SYT14: variants seen among roughly 807,000 people sequenced by gnomAD.
SYT14 encodes synaptotagmin 14, also known as synaptotagmin-14.
A neutral mutation model predicts 74.2 loss-of-function variants in SYT14; 32 were observed. That is an observed-to-expected ratio of 0.43 (90% CI 0.33 to 0.58). The LOEUF (loss-of-function observed/expected upper bound fraction) is 0.58. SYT14 is among the 20% of genes least tolerant of loss of function. SYT14 has a pLI of 0.05. For synonymous variants in SYT14, 298 were observed against 337.7 expected (o/e 0.88, Z 1.29); for missense variants, 791 against 981.8 (o/e 0.81, Z 2.60).
intron 7 of SYT14, among the ~76,000 whole-genome samples, chr1:210,137,288 A>G (rs75543958): frequency 0.12 from 18,295 of 152,170 alleles, 1,452 homozygotes; most frequent in South Asian, 0.21. Flanking sequence ...CTTGATGGGC[A>G]GTTACCATAC....
intron 5 of SYT14, among the ~76,000 whole-genome samples, chr1:210,075,368 G>T (rs2081478406): frequency 7.1e-6 from 1 of 141,670 alleles, no homozygotes; most frequent in Non-Finnish European, 1.5e-5. Flanking sequence ...TTGAGACAGA[G>T]TCTCCCTCTG....
intron 2 of SYT14, chr1:209,952,968 G>C (rs1426224791): frequency 1.5e-6 from 2 of 1,303,402 alleles, no homozygotes; most frequent in Non-Finnish European, 2.1e-6. Context: ...GTTTTGATGG[G>C]CTAATAAAGC....
intron 2 of SYT14, 30 bp from the exon 3 acceptor site, chr1:210,013,603 G>C (rs751339346): frequency 4.4e-6 from 7 of 1,601,818 alleles, no homozygotes; most frequent in Non-Finnish European, 6.0e-6. Context: ...AAAAATAAAT[G>C]CTTACAGCTG....
intron 2 of SYT14, among the ~76,000 whole-genome samples, chr1:210,003,964 A>G (rs1406396757): frequency 3.9e-5 from 6 of 151,950 alleles, no homozygotes; most frequent in Non-Finnish European, 7.4e-5. Context: ...AAAGTCTCCA[A>G]ATGTATTCTT....
chr1:210,147,856 AAG>A (rs1191183431), intron 7 of SYT14, among the ~76,000 whole-genome samples: 5 of 152,134 alleles, frequency 3.3e-5, no homozygotes, highest in Non-Finnish European at 5.9e-5. Flanking sequence ...AAAGACTTGA[AAG>A]AGGTGAGGGA....
intron 1 of SYT14, 29 bp downstream of exon 1, chr1:209,938,306 G>A: frequency 1.3e-6 from 2 of 1,547,362 alleles, no homozygotes; most frequent in East Asian, 2.6e-5. Context: ...CGGGGAGCGA[G>A]GACCGGGACC....
At chr1:210,100,609 G>A in intron 7 of SYT14, 148 bp downstream of exon 6, 1 of 764,578 alleles carries the variant, frequency 1.3e-6, no homozygotes, top group Non-Finnish European at 2.1e-6. Context: ...CTAAGCCCTG[G>A]ATAGATAGAT....
chr1:210,128,390 A>G (rs1220521221), intron 7 of SYT14, among the ~76,000 whole-genome samples: 5 of 151,938 alleles, frequency 3.3e-5, no homozygotes, highest in African/African-American at 1.2e-4. Flanking sequence ...AAAAAAAAAA[A>G]GTAGATGTAT....
intron 5 of SYT14, among the ~76,000 whole-genome samples, chr1:210,079,314 A>G (rs1284858136): frequency 2.0e-5 from 3 of 152,144 alleles, no homozygotes; most frequent in Non-Finnish European, 2.9e-5. Context: ...CCATCACACA[A>G]TATAACAATT....
intron 2 of SYT14, among the ~76,000 whole-genome samples, chr1:209,993,731 C>T (rs1251704796): frequency 6.6e-6 from 1 of 152,070 alleles, no homozygotes; most frequent in Admixed American, 6.6e-5. Context: ...CCCAAGTGGA[C>T]CTGGTGAGGC....
chr1:209,974,178 G>A (rs949702181), intron 2 of SYT14, among the ~76,000 whole-genome samples: 2 of 152,014 alleles, frequency 1.3e-5, no homozygotes, highest in African/African-American at 4.8e-5. Context: ...TCACTCTGAT[G>A]GTAGTTTCTT....
intron 5 of SYT14, among the ~76,000 whole-genome samples, chr1:210,040,968 A>G (rs1278340081): frequency 3.3e-5 from 5 of 152,162 alleles, no homozygotes; most frequent in Non-Finnish European, 7.4e-5. Context: ...AGTGGCCTGC[A>G]GTGCAACACC....
At chr1:210,020,015 G>A in intron 4 of SYT14, among the ~76,000 whole-genome samples, 1 of 152,164 alleles carries the variant, frequency 6.6e-6, no homozygotes, top group East Asian at 1.9e-4. Context: ...AGCAGTAAGT[G>A]TTAACAGTTT....
At chr1:209,956,821 A>G (rs562026806) in intron 2 of SYT14, among the ~76,000 whole-genome samples, 1 of 152,278 alleles carries the variant, frequency 6.6e-6, no homozygotes, top group East Asian at 1.9e-4. Flanking sequence ...GCTAGGTAGA[A>G]GGGGAAATTC....
chr1:209,952,638 A>G, intron 1 of SYT14, 71 bp from the exon 2 acceptor site: 5 of 1,362,346 alleles, frequency 3.7e-6, no homozygotes, highest in Middle Eastern at 1.8e-4. Context: ...CTAATTTAAA[A>G]TGATTCTTTG....
chr1:210,134,910 A>T (rs1295283584), intron 7 of SYT14, among the ~76,000 whole-genome samples: 9 of 152,078 alleles, frequency 5.9e-5, no homozygotes. Context: ...ATACATATAT[A>T]TGAGACCCTT....
chr1:210,151,631 A>G (rs1198668642), intron 7 of SYT14, among the ~76,000 whole-genome samples: 3 of 151,552 alleles, frequency 2.0e-5, no homozygotes, highest in Non-Finnish European at 2.9e-5. Flanking sequence ...TGACAGTTAC[A>G]CTAATGCCAG....
intron 2 of SYT14, among the ~76,000 whole-genome samples, chr1:209,973,977 T>C (rs1572092938): frequency 6.6e-6 from 1 of 152,338 alleles, no homozygotes; most frequent in Admixed American, 6.5e-5. Context: ...ATGAGCATTT[T>C]TTCATGTGTC....
At chr1:210,004,148 A>G (rs577773010) in intron 2 of SYT14, among the ~76,000 whole-genome samples, 2 of 152,222 alleles carry the variant, frequency 1.3e-5, no homozygotes, top group Admixed American at 6.5e-5. Context: ...TACTGAGCCA[A>G]CATTTTCATT....
Sources: allele counts gnomAD v4.1 joint callset (sites outside exome capture counted in the v4.1 genomes callset), GRCh38; gene constraint gnomAD v4.1.1; transcripts MANE v1.5; gene names NCBI Gene and HGNC (gene_info 2026-07-23, HGNC 2026-07-21).